Variants in NIPBL observed in about 807,000 individuals in gnomAD.
NIPBL encodes NIPBL cohesin loading factor.
NIPBL carries 19 observed loss-of-function variants against 321.8 expected under a neutral mutation model. That is an observed-to-expected ratio of 0.06 (90% CI 0.04 to 0.09). The LOEUF (loss-of-function observed/expected upper bound fraction) is 0.09, where lower values mean the gene tolerates loss of function less well. Ranked by LOEUF, NIPBL falls within the 10% of genes least tolerant of loss-of-function variation. The probability of loss-of-function intolerance (pLI) is 1.00; values close to 1 mark genes in which losing one functional copy is unlikely to be tolerated. For synonymous variants in NIPBL, 1,106 were observed against 1,114.1 expected, an observed-to-expected ratio of 0.99 and a Z score of 0.14; for missense variants, 2,210 against 3,327.0, an observed-to-expected ratio of 0.66 and a Z score of 8.26.
intron 1 of NIPBL, among the ~76,000 whole-genome samples, chr5:36,947,331 A>G (rs1312878895): frequency 6.6e-6 from 1 of 152,058 alleles, no homozygotes; most frequent in Admixed American, 6.6e-5. Context: ...AACAAGTCCA[A>G]AATCACACCA....
At chr5:36,927,876 G>A (rs1256323894) in intron 1 of NIPBL, among the ~76,000 whole-genome samples, 1 of 152,048 alleles carries the variant, frequency 6.6e-6, no homozygotes, top group Non-Finnish European at 1.5e-5. Context: ...TAAAGGAGAC[G>A]GGTTTCGCCA....
chr5:36,976,489 C>G, intron 9 of NIPBL, 87 bp downstream of exon 9: 2 of 1,337,016 alleles, frequency 1.5e-6, no homozygotes, highest in South Asian at 2.5e-5. Flanking sequence ...ACTTTTTTCC[C>G]GAATATTTTG....
At chr5:36,967,451 A>G (rs983921063) in intron 6 of NIPBL, among the ~76,000 whole-genome samples, 16 of 152,314 alleles carry the variant, frequency 1.1e-4, no homozygotes, top group South Asian at 2.1e-4. Flanking sequence ...GTTCTACCAA[A>G]CATTAAATGA....
At chr5:36,969,814 A>G (rs1241565815) in intron 6 of NIPBL, among the ~76,000 whole-genome samples, 1 of 152,192 alleles carries the variant, frequency 6.6e-6, no homozygotes, top group Non-Finnish European at 1.5e-5. Flanking sequence ...TGGCAAGGAT[A>G]TAGAACAGTG....
In NIPBL at chr5:37,063,902, G is replaced by A. The variant is rs1200048570; in HGVS notation, c.7973G>A (p.Ser2658Asn). The A allele has an allele frequency of 6.2e-7, 1 of 1,613,886 alleles. No individual in the cohort carries two copies. The highest frequency in any genetic ancestry group is 8.5e-7 in the Non-Finnish European group (1 of 1,179,994). ...KAITSLLGGG[S>N]PKNNTAAETE... ...ATTACCTCACTGCTTGGAGGAGGCA[G>A]CCCTAAAAATAATACAGCAGCAGAG... Residue 2658 changes from serine to asparagine, a missense_variant, in exon 46 of 47, where the codon AGC becomes AAC. Coordinates refer to ENST00000282516, the MANE Select transcript of NIPBL (RefSeq NM_133433.4).
intron 1 of NIPBL, among the ~76,000 whole-genome samples, chr5:36,883,264 T>C (rs1175208405): frequency 6.6e-6 from 1 of 151,978 alleles, no homozygotes; most frequent in Non-Finnish European, 1.5e-5. Flanking sequence ...TCTCTTAACA[T>C]GCATATACCA....
chr5:37,022,636 C>T (rs1177848474), intron 29 of NIPBL, among the ~76,000 whole-genome samples: 1 of 151,956 alleles, frequency 6.6e-6, no homozygotes, highest in Non-Finnish European at 1.5e-5. Flanking sequence ...TTTAATTATA[C>T]CAGTTTACAA....
chr5:36,879,982 A>G (rs1290825354), intron 1 of NIPBL, among the ~76,000 whole-genome samples: 1 of 152,058 alleles, frequency 6.6e-6, no homozygotes, highest in Non-Finnish European at 1.5e-5. Flanking sequence ...AGAGATCATT[A>G]TAATATTTTC....
At chr5:37,038,315 G>A (rs1751953593) in intron 33 of NIPBL, among the ~76,000 whole-genome samples, 2 of 152,010 alleles carry the variant, frequency 1.3e-5, no homozygotes, top group Admixed American at 6.6e-5. Flanking sequence ...AAACCAATAC[G>A]ACATTTATTC....
intron 34 of NIPBL, among the ~76,000 whole-genome samples, chr5:37,041,028 CT>C (rs538963240): frequency 9.2e-4 from 133 of 144,228 alleles, no homozygotes; most frequent in East Asian, 3.0e-3. Flanking sequence ...GAATAATAGG[CT>C]TTTTTTTTTA....
chr5:36,953,579 C>T, intron 1 of NIPBL, 39 bp from the exon 2 acceptor site: 3 of 850,714 alleles, frequency 3.5e-6, no homozygotes, highest in Non-Finnish European at 6.1e-6. Flanking sequence ...ATATATCTGA[C>T]ATATCTCTAC....
chr5:36,931,502 G>C (rs907897627), intron 1 of NIPBL, among the ~76,000 whole-genome samples: 1 of 151,954 alleles, frequency 6.6e-6, no homozygotes, highest in African/African-American at 2.4e-5. Flanking sequence ...ATTTTCTATA[G>C]AGACGAGGTT....
intron 1 of NIPBL, among the ~76,000 whole-genome samples, chr5:36,881,807 A>G (rs1745526626): frequency 6.6e-6 from 1 of 152,016 alleles, no homozygotes; most frequent in South Asian, 2.1e-4. Flanking sequence ...TTAAAAATCA[A>G]TAACTCTTTA....
intron 27 of NIPBL, among the ~76,000 whole-genome samples, chr5:37,021,567 G>C (rs1181035311): frequency 7.2e-5 from 11 of 151,888 alleles, no homozygotes; most frequent in Admixed American, 7.2e-4. Flanking sequence ...TGTAGTCCCA[G>C]CTACTCAGGA....
At chr5:36,958,014 GCCATA>G in intron 3 of NIPBL, 85 bp from the exon 4 acceptor site, 1 of 1,278,280 alleles carries the variant, frequency 7.8e-7, no homozygotes, top group East Asian at 2.4e-5. Flanking sequence ...CATATTGTTG[GCCATA>G]CCAGTGTGAT....
chr5:36,986,788 A>G (rs1295284563), intron 10 of NIPBL, among the ~76,000 whole-genome samples: 1 of 152,200 alleles, frequency 6.6e-6, no homozygotes, highest in Non-Finnish European at 1.5e-5. Flanking sequence ...AATATGTTTT[A>G]TATTTTTAAA....
chr5:36,976,277 A>G lies in NIPBL; in HGVS notation c.1370A>G (p.Gln457Arg). 6.2e-7 allele frequency: 1 copy of G among 1,613,822 alleles called. No individual in the cohort carries two copies. Among genetic ancestry groups the G allele is most frequent in the Admixed American group, 1.7e-5 (1 of 59,992 alleles). ...QPQTSVVQNQ[Q>R]QISQQGPIYD... ...CAGACTTCTGTGGTACAGAATCAAC[A>G]ACAGATATCACAACAGGGACCTATA... is the stretch of plus-strand genomic sequence containing the variant. Residue 457 changes from glutamine (Q) to arginine (R), a missense_variant, in exon 9 of 47, where the codon CAA becomes CGA. Gln to Arg is a conservative substitution (Grantham distance 43). Around this residue, in one of 14 missense-constraint regions of NIPBL, gnomAD observed 464 missense variants for 529.5 expected, o/e 0.88. Coordinates refer to ENST00000282516, the MANE Select transcript of NIPBL (RefSeq NM_133433.4).
chr5:36,915,268 A>G (rs1748372318), intron 1 of NIPBL, among the ~76,000 whole-genome samples: 1 of 152,170 alleles, frequency 6.6e-6, no homozygotes, highest in Non-Finnish European at 1.5e-5. Flanking sequence ...TGGCACTACA[A>G]TTAATTTCTA....
chr5:37,046,856 A>G (rs1253495251), intron 38 of NIPBL, among the ~76,000 whole-genome samples: 1 of 152,216 alleles, frequency 6.6e-6, no homozygotes, highest in Non-Finnish European at 1.5e-5. Context: ...AAAAAAATAC[A>G]AGAACAGTCT....
Sources: allele counts gnomAD v4.1 joint callset (sites outside exome capture counted in the v4.1 genomes callset), GRCh38; gene constraint gnomAD v4.1.1; regional missense constraint gnomAD v4.1.1; transcripts MANE v1.5; gene names NCBI Gene and HGNC (gene_info 2026-07-23, HGNC 2026-07-21).